GFOD1: variants seen among roughly 807,000 people sequenced by gnomAD.
The protein encoded by GFOD1 is Gfo/Idh/MocA-like oxidoreductase domain containing 1.
GFOD1 carries 9 observed loss-of-function variants against 25.4 expected under a neutral mutation model. That is an observed-to-expected ratio of 0.35 (90% CI 0.21 to 0.62). The LOEUF (loss-of-function observed/expected upper bound fraction) is 0.62. GFOD1 is among the 20% of genes least tolerant of loss of function. The pLI, the probability that GFOD1 is intolerant of heterozygous loss-of-function variation, is 0.72. For synonymous variants in GFOD1, 253 were observed against 245.6 expected (o/e 1.03, Z -0.28); for missense variants, 403 against 556.9 (o/e 0.72, Z 2.78).
intron 1 of GFOD1, among the ~76,000 whole-genome samples, chr6:13,403,566 T>C (rs556940226): frequency 1.3e-5 from 2 of 152,250 alleles, no homozygotes; most frequent in African/African-American, 2.4e-5. Flanking sequence ...CTTGTGTATC[T>C]GTAAAAATGT....
At chr6:13,385,596 A>G (rs945340349) in intron 1 of GFOD1, among the ~76,000 whole-genome samples, 2 of 152,228 alleles carry the variant, frequency 1.3e-5, no homozygotes, top group African/African-American at 4.8e-5. Flanking sequence ...AGACAAGCCA[A>G]TCATCAAGGG....
Position 13,486,825 on chromosome 6 carries a change from T to G in GFOD1, c.66A>C (p.Lys22Asn). The part of the protein sequence containing the change: ...LTARVIIPLL[K>N]DEGFAVKALW... ...GCGCCTTCACCGCGAAGCCCTCGTC[T>G]TTCAGCAGCGGGATGATGACACGGG... Residue 22 changes from lysine (K) to asparagine (N), a missense_variant, in exon 1 of 2, where the codon AAA becomes AAC. Lys to Asn is a moderately conservative substitution (Grantham distance 94). Coordinates refer to ENST00000379287, the MANE Select transcript of GFOD1 (RefSeq NM_018988.4). The G allele has an allele frequency of 6.2e-7, 1 of 1,613,822 alleles. No homozygotes were observed. Among genetic ancestry groups the G allele is most frequent in the Non-Finnish European group, 8.5e-7 (1 of 1,179,976 alleles).
chr6:13,399,468 C>A (rs751563409), intron 1 of GFOD1, among the ~76,000 whole-genome samples: 3 of 152,156 alleles, frequency 2.0e-5, no homozygotes, highest in Non-Finnish European at 4.4e-5. Flanking sequence ...CAAAAACTGG[C>A]AATGACTCAA....
chr6:13,388,323 A>G (rs1185357067), intron 1 of GFOD1, among the ~76,000 whole-genome samples: 1 of 152,248 alleles, frequency 6.6e-6, no homozygotes, highest in Non-Finnish European at 1.5e-5. Flanking sequence ...CTAAGCAAAA[A>G]GAACAAAGCT....
At chr6:13,471,805 G>A (rs1251998194) in intron 1 of GFOD1, among the ~76,000 whole-genome samples, 2 of 152,200 alleles carry the variant, frequency 1.3e-5, no homozygotes, top group Non-Finnish European at 2.9e-5. Flanking sequence ...TTTCTGCAAT[G>A]ATGGATATAT....
intron 1 of GFOD1, among the ~76,000 whole-genome samples, chr6:13,390,779 G>GAA (rs763727741): frequency 9.4e-6 from 1 of 106,898 alleles, no homozygotes; most frequent in Admixed American, 8.5e-5. Flanking sequence ...GAGAGAGAGA[G>GAA]AAAGGAAGGA....
At chr6:13,465,612 T>C (rs1268199438) in intron 1 of GFOD1, among the ~76,000 whole-genome samples, 1 of 152,162 alleles carries the variant, frequency 6.6e-6, no homozygotes, top group Non-Finnish European at 1.5e-5. Context: ...ATGTAACCGG[T>C]CTGGGGTGCG....
chr6:13,422,224 A>G (rs1007256221), intron 1 of GFOD1, among the ~76,000 whole-genome samples: 2 of 152,244 alleles, frequency 1.3e-5, no homozygotes, highest in African/African-American at 4.8e-5. Flanking sequence ...AAAATGAACA[A>G]GAAGCTCATT....
At chr6:13,381,653 G>A (rs567729775) in intron 1 of GFOD1, among the ~76,000 whole-genome samples, 2 of 152,216 alleles carry the variant, frequency 1.3e-5, no homozygotes, top group Admixed American at 6.5e-5. Context: ...TGTGGGAGAT[G>A]TCTAGATGTC....
Position 13,371,813 on chromosome 6 carries a change from A to C in GFOD1, c.254-6151T>G, listed in dbSNP as rs997321766. On this transcript the variant is annotated intron_variant, in intron 1 of 1. Transcript: ENST00000379287. ...CTGCATCCATCCAGGACTGTGAACC[A>C]TCACGCCACGGCTCCATGCTCAGCT... Among the ~76,000 whole-genome samples, 3 of 152,152 alleles carry C rather than the reference A, an allele frequency of 2.0e-5. No individual in the cohort carries two copies. The South Asian group carries it at 6.2e-4, about 32-fold the overall frequency.
chr6:13,452,019 A>G (rs1758107097), intron 1 of GFOD1, among the ~76,000 whole-genome samples: 1 of 152,198 alleles, frequency 6.6e-6, no homozygotes, highest in Non-Finnish European at 1.5e-5. Context: ...GCTGTTTTCT[A>G]TCACGTGGAC....
chr6:13,380,890 G>A (rs1219137062), intron 1 of GFOD1, among the ~76,000 whole-genome samples: 1 of 152,202 alleles, frequency 6.6e-6, no homozygotes, highest in Non-Finnish European at 1.5e-5. Context: ...GGGAGTGTAA[G>A]GGAATGTTTA....
At chr6:13,391,894 A>C (rs541488016) in intron 1 of GFOD1, among the ~76,000 whole-genome samples, 1 of 152,350 alleles carries the variant, frequency 6.6e-6, no homozygotes, top group African/African-American at 2.4e-5. Flanking sequence ...TGTTGTTACC[A>C]ATGGCTGTTG....
intron 1 of GFOD1, among the ~76,000 whole-genome samples, chr6:13,426,456 C>G (rs1194713852): frequency 6.6e-6 from 1 of 152,210 alleles, no homozygotes; most frequent in Non-Finnish European, 1.5e-5. Flanking sequence ...AGGAACCAGA[C>G]ACGAACCTAC....
intron 1 of GFOD1, among the ~76,000 whole-genome samples, chr6:13,474,439 C>A (rs949802073): frequency 4.6e-5 from 7 of 152,042 alleles, no homozygotes; most frequent in Non-Finnish European, 7.4e-5. Context: ...TGCCTTAGTG[C>A]CTTTTGTAGA....
chr6:13,409,848 G>A (rs899529361), intron 1 of GFOD1, among the ~76,000 whole-genome samples: 4 of 151,546 alleles, frequency 2.6e-5, no homozygotes, highest in East Asian at 1.9e-4. Flanking sequence ...GTGTAAACCC[G>A]GGAGGCAGAG....
chr6:13,398,366 C>T (rs576467305), intron 1 of GFOD1, among the ~76,000 whole-genome samples: 92 of 152,276 alleles, frequency 6.0e-4, no homozygotes, highest in African/African-American at 2.1e-3. Flanking sequence ...GTAGAACCTC[C>T]GTTTCGAGTT....
At chr6:13,396,607 A>G (rs1191257910) in intron 1 of GFOD1, among the ~76,000 whole-genome samples, 1 of 152,140 alleles carries the variant, frequency 6.6e-6, no homozygotes, top group East Asian at 1.9e-4. Context: ...ATGAACTGGG[A>G]GGATTATCCT....
chr6:13,366,868 T>G (rs1398837504), intron 1 of GFOD1, among the ~76,000 whole-genome samples: 1 of 152,086 alleles, frequency 6.6e-6, no homozygotes, highest in Non-Finnish European at 1.5e-5. Context: ...GATATTTAAG[T>G]AACCTATATT....
Sources: gnomAD v4.1 joint callset for allele counts (sites outside exome capture counted in the v4.1 genomes callset) on GRCh38, gnomAD v4.1.1 for gene constraint, MANE v1.5 for transcripts, NCBI Gene and HGNC (gene_info 2026-07-23, HGNC 2026-07-21) for gene names.